The following TEP1 variants were observed in gnomAD, a reference collection of about 807,000 sequenced individuals.
TEP1 encodes the protein telomerase associated protein 1, also known as telomerase protein component 1.
Under a neutral mutation model 306.3 loss-of-function variants are expected in TEP1, and 241 were observed. That is an observed-to-expected ratio of 0.79 (90% CI 0.71 to 0.88). TEP1 has a LOEUF of 0.88. TEP1 is among the 40% of genes least tolerant of loss of function. The probability of loss-of-function intolerance (pLI) is 0.00; values close to 1 mark genes in which losing one functional copy is unlikely to be tolerated. For synonymous variants in TEP1, 1,289 were observed against 1,305.5 expected (o/e 0.99, Z 0.27); for missense variants, 3,051 against 3,276.1 (o/e 0.93, Z 1.68).
At chr14:20,396,982 A>G (rs1410682909) in intron 9 of TEP1, among the ~76,000 whole-genome samples, 1 of 152,184 alleles carries the variant, frequency 6.6e-6, no homozygotes, top group Admixed American at 6.5e-5. Context: ...AGTCCAAGAT[A>G]GAGGAAGTGA....
At chr14:20,370,884 T>C (rs1339905582) in intron 51 of TEP1, among the ~76,000 whole-genome samples, 1 of 152,214 alleles carries the variant, frequency 6.6e-6, no homozygotes, top group African/African-American at 2.4e-5. Context: ...CTAAGTATGA[T>C]GACAAAAACA....
Position 20,386,613 on chromosome 14 carries a change from T to C in TEP1, c.2695A>G (p.Ile899Val). Residue 899 changes from isoleucine (I) to valine (V), a missense_variant, in exon 19 of 55, where the codon ATC becomes GTC. By Grantham distance (29) the Ile-to-Val change is conservative. Transcript: ENST00000262715. ...APVSQQGWRSIRLFISSTFRD... is the reference protein window; with the variant it reads ...APVSQQGWRSVRLFISSTFRD... ...AAAGTGGATGAAATGAAAAGCCGGA[T>C]GCTGCGCCATCTGGGGATAAGCAGA... 1.2e-6 allele frequency: 2 copies of C among 1,600,864 alleles called. No homozygotes were observed. The highest frequency in any genetic ancestry group is 1.7e-6 in the Non-Finnish European group (2 of 1,171,568).
intron 14 of TEP1, 75 bp downstream of exon 14, chr14:20,390,863 T>C (rs1594353817): frequency 6.2e-7 from 1 of 1,610,546 alleles, no homozygotes; most frequent in East Asian, 2.2e-5. Context: ...TGTCTGTGCC[T>C]TTACCAAATA....
chr14:20,369,592 C>T lies in TEP1; in HGVS notation c.7424-16G>A. The T allele has an allele frequency of 6.2e-7, 1 of 1,614,010 alleles. No individual in the cohort carries two copies. The highest frequency in any genetic ancestry group is 8.5e-7 in the Non-Finnish European group (1 of 1,179,924). On this transcript the variant is annotated splice_polypyrimidine_tract_variant and intron_variant, in intron 52 of 54. Transcript: ENST00000262715. Reference sequence around the variant, plus strand: ...AATGAGGACTCTGCCATTTTAAGGACAGAATTAGAGCCAAGTCTCAGGGAT... The same window carrying T: ...AATGAGGACTCTGCCATTTTAAGGATAGAATTAGAGCCAAGTCTCAGGGAT...
At chr14:20,400,497 CAAAAAAAAAAAA>C (rs71108598) in intron 9 of TEP1, among the ~76,000 whole-genome samples, 26,231 of 87,116 alleles carry the variant, frequency 0.3, 4,370 homozygotes, top group African/African-American at 0.5. Flanking sequence ...AAAAGTAGAC[CAAAAAAAAAAAA>C]AAAAAAAAAA....
Position 20,395,506 on chromosome 14 carries a change from C to T in TEP1, c.1872G>A (p.Arg624=), listed in dbSNP as rs768627842. The T allele has an allele frequency of 2.4e-5, 38 of 1,613,502 alleles. No individual in the cohort carries two copies. The highest frequency in any genetic ancestry group is 4.4e-5 in the South Asian group (4 of 91,066). Residue 624 remains arginine, a synonymous_variant, in exon 12 of 55, where the codon AGG becomes AGA. Transcript: ENST00000262715. ...TGAGCTGCTCATACAACACAGGTATCCTCATTGCCATCCGAAGCTGCTGAC... is the reference window on the plus strand; with the variant it reads ...TGAGCTGCTCATACAACACAGGTATTCTCATTGCCATCCGAAGCTGCTGAC... The part of the protein sequence containing the change: ...LSRQQLRMAM[R]IPVLYEQLKR...
intron 12 of TEP1, among the ~76,000 whole-genome samples, chr14:20,393,258 C>G (rs1196949553): frequency 6.6e-6 from 1 of 151,810 alleles, no homozygotes; most frequent in South Asian, 2.1e-4. Context: ...GTAATAAAAT[C>G]TAGATAATCA....
intron 42 of TEP1, 22 bp downstream of exon 42, chr14:20,376,082 G>T (rs779737851): frequency 3.7e-6 from 6 of 1,611,348 alleles, no homozygotes; most frequent in East Asian, 4.5e-5. Flanking sequence ...GGACCCCAGG[G>T]TTGCATCCTT....
Position 20,379,109 on chromosome 14 carries a change from C to T in TEP1, c.5128-4G>A, listed in dbSNP as rs374741134. On this transcript the variant is annotated splice_polypyrimidine_tract_variant and splice_region_variant and intron_variant, in intron 35 of 54. Transcript: ENST00000262715. Reference sequence around the variant, plus strand: ...CACTCACCACAGACTTCTCCTCCTGCGACAGTGGGTGAGGGAGCGCAGCTC... The same window carrying T: ...CACTCACCACAGACTTCTCCTCCTGTGACAGTGGGTGAGGGAGCGCAGCTC... 114 of 1,613,658 alleles carry T rather than the reference C, an allele frequency of 7.1e-5. No homozygotes were observed. Among genetic ancestry groups the T allele is most frequent in the Non-Finnish European group, 8.6e-5 (101 of 1,179,802 alleles).
chr14:20,373,836 CAG>C, intron 44 of TEP1, 26 bp from the exon 45 acceptor site: 1 of 1,608,508 alleles, frequency 6.2e-7, no homozygotes, highest in Non-Finnish European at 8.5e-7. Flanking sequence ...AAGATCAGAG[CAG>C]AGTCATATTG....
At chr14:20,405,817 C>T (rs1250060353) in intron 3 of TEP1, among the ~76,000 whole-genome samples, 3 of 152,218 alleles carry the variant, frequency 2.0e-5, no homozygotes. Flanking sequence ...AGTTCGAGAG[C>T]AGCCTGGCCA....
rs1343866205 is a variant in TEP1, at chr14:20,367,530, T to A, written c.*907A>T. On this transcript the variant is annotated 3_prime_UTR_variant, in exon 55 of 55. Transcript: ENST00000262715. ...ATGCCAATTACCATATTGACTAAAG[T>A]TGAAAGTCGTGTCAGAAGTTGGGAA... 2 of 152,136 alleles carry A rather than the reference T, an allele frequency of 1.3e-5. No homozygotes were observed. The highest frequency in any genetic ancestry group is 1.3e-4 in the Admixed American group (2 of 15,264). The allele number at this position is 152,136 out of a possible 1,614,324, so 9.4% of individuals were successfully genotyped here.
At chr14:20,380,805 G>A (rs1334572218) in intron 33 of TEP1, 126 bp downstream of exon 33, 3 of 840,478 alleles carry the variant, frequency 3.6e-6, no homozygotes, top group African/African-American at 3.4e-5. Flanking sequence ...TTTTCAACTC[G>A]AAATGGAAAT....
At chr14:20,408,547 C>T in intron 1 of TEP1, 84 bp from the exon 2 acceptor site, 1 of 1,031,974 alleles carries the variant, frequency 9.7e-7, no homozygotes, top group East Asian at 2.5e-5. Flanking sequence ...CCACAGCCCT[C>T]CTGATAATGC....
intron 23 of TEP1, 63 bp downstream of exon 23, chr14:20,384,328 C>A (rs1232015063): frequency 1.2e-6 from 2 of 1,610,808 alleles, no homozygotes; most frequent in African/African-American, 1.3e-5. Context: ...ACTTCCTCCC[C>A]AGGACAACCC....
intron 19 of TEP1, 57 bp from the exon 20 acceptor site, chr14:20,386,252 C>T (rs574607213): frequency 6.2e-6 from 10 of 1,609,886 alleles, no homozygotes; most frequent in South Asian, 3.3e-5. Flanking sequence ...TATCAGGGAA[C>T]ATAGGCACAA....
chr14:20,406,153 A>G (rs1879159483), intron 3 of TEP1, 80 bp downstream of exon 3: 2 of 1,440,122 alleles, frequency 1.4e-6, no homozygotes, highest in South Asian at 2.5e-5. Context: ...CCAACTGGGG[A>G]GGGGACCTGG....
At chr14:20,403,536 C>A in intron 6 of TEP1, 88 bp from the exon 7 acceptor site, 12 of 1,596,376 alleles carry the variant, frequency 7.5e-6, no homozygotes, top group South Asian at 1.1e-5. Flanking sequence ...TGCATCTCTA[C>A]CAAAAAGGAA....
intron 20 of TEP1, among the ~76,000 whole-genome samples, chr14:20,385,772 C>T (rs1877091869): frequency 6.6e-6 from 1 of 152,216 alleles, no homozygotes; most frequent in African/African-American, 2.4e-5. Context: ...TAAGCTGCAT[C>T]ACACAAAGCC....
Sources: allele counts gnomAD v4.1 joint callset (sites outside exome capture counted in the v4.1 genomes callset), GRCh38; gene constraint gnomAD v4.1.1; transcripts MANE v1.5; gene names NCBI Gene and HGNC (gene_info 2026-07-23, HGNC 2026-07-21).